Variants in RDH12 observed in about 807,000 individuals in gnomAD.
The protein encoded by RDH12 is retinol dehydrogenase 12, also known as all-trans and 9-cis retinol dehydrogenase.
RDH12 carries 21 observed loss-of-function variants against 34.0 expected under a neutral mutation model. That is an observed-to-expected ratio of 0.62 (90% confidence interval 0.44 to 0.89). RDH12 has a LOEUF of 0.89. RDH12 is among the 40% of genes least tolerant of loss of function. The pLI, the probability that RDH12 is intolerant of heterozygous loss-of-function variation, is 0.00. For missense variants in RDH12, 394 were observed against 398.6 expected, an observed-to-expected ratio of 0.99 and a Z score of 0.10; for synonymous variants, 198 against 169.9, an observed-to-expected ratio of 1.17 and a Z score of -1.29.
intron 5 of RDH12, 132 bp from the exon 6 acceptor site, chr14:67,725,919 G>C: frequency 1.3e-6 from 1 of 751,578 alleles, no homozygotes; most frequent in South Asian, 1.4e-5. Flanking sequence ...GGCAGAGCAA[G>C]TGACTCCTAT....
intron 8 of RDH12, among the ~76,000 whole-genome samples, chr14:67,732,556 T>C (rs1312339893): frequency 3.4e-5 from 5 of 145,554 alleles, no homozygotes; most frequent in Non-Finnish European, 6.1e-5. Context: ...AAAAAGACTG[T>C]ACAGAAAGCA....
chr14:67,722,501 T>C lies in RDH12; in HGVS notation c.-142T>C. On this transcript the variant is annotated 5_prime_UTR_variant, in exon 3 of 9. Coordinates refer to ENST00000551171, the MANE Select transcript of RDH12 (RefSeq NM_152443.3). ...TTCTGGGCTCTGCTCAGAGTCAGGC[T>C]GCTGCTCAGCACCCAGGACGGAGAG... 1 of 786,812 alleles carries C rather than the reference T, an allele frequency of 1.3e-6. No individual in the cohort carries two copies. The highest frequency in any genetic ancestry group is 2.3e-6 in the Non-Finnish European group (1 of 428,572). 48.7% of individuals were successfully genotyped at this position (786,812 alleles called of 1,614,324 possible). A position where few individuals can be genotyped will look rare whatever the true frequency, so the allele number is the denominator to read the frequency against.
intron 1 of RDH12, among the ~76,000 whole-genome samples, chr14:67,709,689 A>T (rs1212336797): frequency 6.6e-6 from 1 of 152,146 alleles, no homozygotes; most frequent in Admixed American, 6.6e-5. Context: ...GTTTATTTTG[A>T]TTGGCATCTT....
intron 1 of RDH12, among the ~76,000 whole-genome samples, chr14:67,716,513 C>T (rs550475936): frequency 2.0e-5 from 3 of 152,220 alleles, no homozygotes; most frequent in Non-Finnish European, 2.9e-5. Context: ...TGTGTACACA[C>T]GTGTTTGTGT....
chr14:67,709,497 C>T (rs1256407138), intron 1 of RDH12, among the ~76,000 whole-genome samples: 1 of 152,114 alleles, frequency 6.6e-6, no homozygotes, highest in African/African-American at 2.4e-5. Flanking sequence ...ACACAGGGGC[C>T]CATATGCTGG....
chr14:67,716,873 G>T (rs1469899187), intron 1 of RDH12, among the ~76,000 whole-genome samples: 1 of 144,004 alleles, frequency 6.9e-6, no homozygotes. Context: ...GACAGAGTGA[G>T]TCTCTGTCAA....
At chr14:67,725,351 TC>T in intron 5 of RDH12, 97 bp downstream of exon 5, 1 of 1,259,388 alleles carries the variant, frequency 7.9e-7, no homozygotes, top group Non-Finnish European at 1.1e-6. Flanking sequence ...AGAACCATCA[TC>T]CACCCCACTA....
chr14:67,733,644 T>C (rs1410705026), intron 8 of RDH12, 102 bp from the exon 9 acceptor site: 1 of 767,736 alleles, frequency 1.3e-6, no homozygotes, highest in African/African-American at 1.7e-5. Context: ...CTGGCATATA[T>C]TGTATTTTAT....
chr14:67,722,681 G>C lies in RDH12; in HGVS notation c.39G>C (p.Ser13=), dbSNP rs146672918. The C allele has an allele frequency of 4.0e-5, 65 of 1,613,822 alleles. No individual in the cohort carries two copies. Among genetic ancestry groups the C allele is most frequent in the Non-Finnish European group, 5.0e-5 (59 of 1,179,848 alleles). The change falls in exon 3 of 9, where the codon TCG becomes TCC. Residue 13 remains serine (S), a synonymous_variant. Transcript: ENST00000551171. ...TGGGACTGCTCACCTCCTTCTTCTC[G>C]TTCCTGTATATGGTAGCTCCATCCA... ...VTLGLLTSFF[S]FLYMVAPSIR...
rs2038308298 is a variant in RDH12 at position 67,733,173 on chromosome 14, C to A, written c.849-573C>A. On this transcript the variant is annotated intron_variant, in intron 8 of 8. Coordinates refer to ENST00000551171, the MANE Select transcript of RDH12 (RefSeq NM_152443.3). The stretch of plus-strand genomic sequence containing the variant: ...AAAACATGATGAGAACTGTGTTCTG[C>A]TCCCACCCCCTATCCCTCTAGTCCT... 2.0e-5 allele frequency among the ~76,000 whole-genome samples: 3 copies of A among 152,032 alleles called. No individual in the cohort carries two copies. In the South Asian group the frequency reaches 6.2e-4, roughly 32 times the overall value.
intron 7 of RDH12, 163 bp downstream of exon 7, chr14:67,727,353 C>T: frequency 1.5e-6 from 1 of 680,488 alleles, no homozygotes; most frequent in Non-Finnish European, 2.6e-6. Context: ...TGCTTGCCCC[C>T]AGGGAGCTTA....
At position 67,729,398 on chromosome 14, in the gene RDH12, G is replaced by A; in HGVS notation, c.848+18G>A. On this transcript the variant is annotated intron_variant, in intron 8 of 8. Coordinates refer to ENST00000551171, the MANE Select transcript of RDH12 (RefSeq NM_152443.3). ...TACTTCAGGTGTGTGAAGGCAATGCGGTTCTCTCCACCACCTGTGTGCATG... is the reference window on the plus strand; with the variant it reads ...TACTTCAGGTGTGTGAAGGCAATGCAGTTCTCTCCACCACCTGTGTGCATG... The A allele has an allele frequency of 6.3e-7, 1 of 1,595,770 alleles. No individual in the cohort carries two copies. The highest frequency in any genetic ancestry group is 2.2e-5 in the East Asian group (1 of 44,876).
chr14:67,729,682 A>G, intron 8 of RDH12: 1 of 574,694 alleles, frequency 1.7e-6, no homozygotes, highest in South Asian at 1.6e-5. Context: ...GGAGATCTGG[A>G]TCGTTTTTCT....
intron 1 of RDH12, among the ~76,000 whole-genome samples, chr14:67,711,073 C>A (rs564971641): frequency 6.6e-6 from 1 of 152,164 alleles, no homozygotes; most frequent in Non-Finnish European, 1.5e-5. Context: ...TTGAGAGGAA[C>A]TTAGTTTATA....
chr14:67,729,150 C>T (rs1307136081), intron 7 of RDH12, 41 bp from the exon 8 acceptor site: 2 of 1,599,890 alleles, frequency 1.3e-6, no homozygotes. Context: ...TTCCTGGGCT[C>T]AGAGTGTGTC....
intron 7 of RDH12, among the ~76,000 whole-genome samples, chr14:67,728,761 T>C (rs139447487): frequency 6.6e-6 from 1 of 151,068 alleles, no homozygotes; most frequent in African/African-American, 2.4e-5. Context: ...CTATACCTCA[T>C]GAAATGTGCT....
chr14:67,703,587 A>G (rs1187899334), intron 1 of RDH12, among the ~76,000 whole-genome samples: 1 of 152,230 alleles, frequency 6.6e-6, no homozygotes, highest in Non-Finnish European at 1.5e-5. Flanking sequence ...TGGGTGGACC[A>G]CTTGAGTTCT....
At chr14:67,724,444 C>T (rs201335447) in intron 3 of RDH12, 29 bp from the exon 4 acceptor site, 66 of 1,322,658 alleles carry the variant, frequency 5.0e-5, no homozygotes, top group Admixed American at 1.0e-4. Flanking sequence ...AAGGATGGTA[C>T]GTGATGCTCT....
chr14:67,724,635 C>T (rs770231880), intron 4 of RDH12, 44 bp downstream of exon 4: 74 of 1,402,882 alleles, frequency 5.3e-5, no homozygotes, highest in African/African-American at 1.4e-5. Flanking sequence ...TGCCTCCCAC[C>T]CTTCTTCCCA....
Sources: allele counts gnomAD v4.1 joint callset (sites outside exome capture counted in the v4.1 genomes callset), GRCh38; gene constraint gnomAD v4.1.1; transcripts MANE v1.5; gene names NCBI Gene and HGNC (gene_info 2026-07-23, HGNC 2026-07-21).